Variants in NUDCD1 observed in about 807,000 individuals in gnomAD.
NUDCD1 encodes the protein NudC domain containing 1.
NUDCD1 carries 60 observed loss-of-function variants against 67.8 expected under a neutral mutation model. The ratio of observed to expected loss-of-function variants is 0.88; its 90% CI spans 0.72 to 1.10. The LOEUF is 1.10. Among genes scored for constraint, NUDCD1 ranks in the 50% least tolerant of loss-of-function variants. NUDCD1 has a pLI of 0.00. For synonymous variants in NUDCD1, 244 were observed against 230.8 expected (o/e 1.06, Z -0.52); for missense variants, 643 against 695.0 (o/e 0.93, Z 0.84).
At chr8:109,322,560 A>G in intron 1 of NUDCD1, 97 bp from the exon 2 acceptor site, 1 of 865,380 alleles carries the variant, frequency 1.2e-6, no homozygotes, top group East Asian at 2.5e-5. Flanking sequence ...AAATCACAGA[A>G]TGCCAATCAC....
At chr8:109,298,228 A>T (rs1488386664) in intron 2 of NUDCD1, among the ~76,000 whole-genome samples, 2 of 152,214 alleles carry the variant, frequency 1.3e-5, no homozygotes, top group African/African-American at 4.8e-5. Flanking sequence ...CATAGTATTA[A>T]GTAGCCTATT....
In NUDCD1 at chr8:109,306,592, A is replaced by G. The variant is rs371358434; in HGVS notation, c.274-10023T>C. Among the ~76,000 whole-genome samples, 27 of 151,978 alleles carry G rather than the reference A, an allele frequency of 1.8e-4. No individual in the cohort carries two copies. In the East Asian group the frequency reaches 2.7e-3, roughly 15 times the overall value. On this transcript the variant is annotated intron_variant, in intron 2 of 9. Transcript: ENST00000239690. ...ACATAAAAAAAAAACTCAAGGATAG[A>G]GTCCAAAAACTCGCCAACCAAGCAA...
chr8:109,310,813 T>C (rs1815227935), intron 2 of NUDCD1, among the ~76,000 whole-genome samples: 1 of 139,896 alleles, frequency 7.1e-6, no homozygotes, highest in African/African-American at 2.7e-5. Flanking sequence ...GACAATTCTT[T>C]TTTTTTTTTT....
At chr8:109,311,129 T>C (rs1212051141) in intron 2 of NUDCD1, among the ~76,000 whole-genome samples, 1 of 152,130 alleles carries the variant, frequency 6.6e-6, no homozygotes, top group African/African-American at 2.4e-5. Flanking sequence ...TAGACAATTC[T>C]TAAAAGAAGA....
At chr8:109,313,842 G>T in intron 2 of NUDCD1, 2 of 1,118,274 alleles carry the variant, frequency 1.8e-6, no homozygotes, top group Non-Finnish European at 2.4e-6. Context: ...TTATCAATCA[G>T]ATAAATGGGT....
At chr8:109,330,687 C>T (rs1426511986) in intron 1 of NUDCD1, among the ~76,000 whole-genome samples, 1 of 152,158 alleles carries the variant, frequency 6.6e-6, no homozygotes, top group Non-Finnish European at 1.5e-5. Context: ...TACACATACG[C>T]CATGGAATAC....
At chr8:109,326,500 G>A (rs983388543) in intron 1 of NUDCD1, among the ~76,000 whole-genome samples, 2 of 152,196 alleles carry the variant, frequency 1.3e-5, no homozygotes, top group African/African-American at 2.4e-5. Context: ...GTAGGGGGCA[G>A]CGAGGCTTCA....
Position 109,270,074 on chromosome 8 carries a change from G to T in NUDCD1, c.1299+931C>A, listed in dbSNP as rs1200570788. On this transcript the variant is annotated intron_variant, in intron 8 of 9. Transcript: ENST00000239690. ...ATTTTGAGGTGGCGGGGGCGGGGGG[G>T]GGGGGGGGTGCCTTAAGGTGGGGTG... Among the ~76,000 whole-genome samples the T allele has an allele frequency of 2.4e-5, 2 of 83,100 alleles. 1 individual carries two copies. Among genetic ancestry groups the T allele is most frequent in the Admixed American group, 2.4e-4 (2 of 8,458 alleles). 54.5% of individuals were successfully genotyped at this position (83,100 alleles called of 152,430 possible).
At chr8:109,294,474 AG>A (rs1348367563) in intron 3 of NUDCD1, among the ~76,000 whole-genome samples, 1 of 148,988 alleles carries the variant, frequency 6.7e-6, no homozygotes, top group Non-Finnish European at 1.5e-5. Context: ...AGATGAAGGC[AG>A]GTTTTTATTG....
intron 1 of NUDCD1, among the ~76,000 whole-genome samples, chr8:109,331,966 T>A (rs184655224): frequency 2.0e-5 from 3 of 152,346 alleles, no homozygotes; most frequent in Admixed American, 1.3e-4. Flanking sequence ...AGTGCAAGGA[T>A]GTCCAGCATA....
chr8:109,276,115 T>C (rs1462581975), intron 6 of NUDCD1, among the ~76,000 whole-genome samples: 3 of 152,214 alleles, frequency 2.0e-5, no homozygotes, highest in African/African-American at 7.2e-5. Flanking sequence ...TCTATTAACT[T>C]ATTTAAAATC....
intron 2 of NUDCD1, among the ~76,000 whole-genome samples, chr8:109,298,209 T>C (rs2130050756): frequency 6.6e-6 from 1 of 152,286 alleles, no homozygotes. Context: ...AGAAACAGAA[T>C]CATACCAGCA....
At position 109,310,810 on chromosome 8, in the gene NUDCD1, C is replaced by CTTT. The variant is rs59611956; in HGVS notation, c.273+11496_273+11498dup. On this transcript the variant is annotated intron_variant, in intron 2 of 9. Transcript: ENST00000239690. ...GGGCTAAGGACGTGAATAGACAATT[C>CTTT]TTTTTTTTTTTTTTTTTTTTTTTTG... Among the ~76,000 whole-genome samples, 657 of 75,176 alleles carry CTTT rather than the reference C, an allele frequency of 8.7e-3. 36 individuals are homozygous for CTTT. The highest frequency in any genetic ancestry group is 0.023 in the African/African-American group (443 of 19,474). 49.3% of individuals were successfully genotyped at this position (75,176 alleles called of 152,430 possible). A position where few individuals can be genotyped will look rare whatever the true frequency, so the allele number is the denominator to read the frequency against.
intron 2 of NUDCD1, among the ~76,000 whole-genome samples, chr8:109,311,699 C>T (rs533621467): frequency 1.3e-5 from 2 of 151,864 alleles, no homozygotes; most frequent in African/African-American, 4.8e-5. Flanking sequence ...TATGTTCTCA[C>T]TTGTAAGTGG....
intron 1 of NUDCD1, among the ~76,000 whole-genome samples, chr8:109,329,604 G>C (rs1815757431): frequency 6.6e-6 from 1 of 152,186 alleles, no homozygotes; most frequent in Non-Finnish European, 1.5e-5. Context: ...AATGCAGAAG[G>C]AGCAGAGAGA....
At chr8:109,309,635 G>A (rs1306797319) in intron 2 of NUDCD1, among the ~76,000 whole-genome samples, 2 of 152,002 alleles carry the variant, frequency 1.3e-5, no homozygotes, top group African/African-American at 4.8e-5. Flanking sequence ...AGAAATAAAG[G>A]GCATCCAAAT....
chr8:109,266,590 G>T (rs1368978298), intron 8 of NUDCD1, among the ~76,000 whole-genome samples: 1 of 151,822 alleles, frequency 6.6e-6, no homozygotes, highest in African/African-American at 2.4e-5. Context: ...TCAAAATCTG[G>T]TTGTGTATTT....
At position 109,293,387 on chromosome 8, in the gene NUDCD1, G is replaced by A. The variant is rs1429442770; in HGVS notation, c.597C>T (p.Phe199=). 12 of 1,586,408 alleles carry A rather than the reference G, an allele frequency of 7.6e-6. No homozygotes were observed. The highest frequency in any genetic ancestry group is 5.5e-5 in the Admixed American group (3 of 55,000). Residue 199 remains phenylalanine, a synonymous_variant, in exon 4 of 10, where the codon TTC becomes TTT. Transcript: ENST00000239690. ...KEELDMKGSG[F]YVSLEWVTIS... ...TAGTGACCCACTCCAGAGAAACATA[G>A]AAACCACTTCCTTTCATATCCAATT...
chr8:109,326,068 T>C (rs1815674955), intron 1 of NUDCD1, among the ~76,000 whole-genome samples: 1 of 152,204 alleles, frequency 6.6e-6, no homozygotes, highest in African/African-American at 2.4e-5. Flanking sequence ...AACTGCATGG[T>C]AACATAAGGG....
Sources: allele counts gnomAD v4.1 joint callset (sites outside exome capture counted in the v4.1 genomes callset), GRCh38; gene constraint gnomAD v4.1.1; transcripts MANE v1.5; gene names NCBI Gene and HGNC (gene_info 2026-07-23, HGNC 2026-07-21).